Variants in ZBTB7C observed in about 807,000 individuals in gnomAD.
The protein encoded by ZBTB7C is zinc finger and BTB domain containing 7C.
Under a neutral mutation model 25.7 loss-of-function variants are expected in ZBTB7C, and 8 were observed. The observed-to-expected ratio is 0.31, with a 90% confidence interval of 0.18 to 0.56. The LOEUF is 0.56. Ranked by LOEUF, ZBTB7C falls within the 20% of genes least tolerant of loss-of-function variation. The probability of loss-of-function intolerance (pLI) is 0.91; values close to 1 mark genes in which losing one functional copy is unlikely to be tolerated. For missense variants in ZBTB7C, 824 were observed against 855.2 expected (o/e 0.96, Z 0.46); for synonymous variants, 394 against 369.0 (o/e 1.07, Z -0.78).
rs112995506 is a variant in ZBTB7C at position 48,096,161 on chromosome 18, C to A, written c.-16-55038G>T. Among the ~76,000 whole-genome samples the A allele has an allele frequency of 5.1e-4, 78 of 152,142 alleles. 2 individuals are homozygous for A. Among genetic ancestry groups the A allele is most frequent in the African/African-American group, 1.7e-3 (72 of 41,514 alleles). On this transcript the variant is annotated intron_variant, in intron 3 of 4. Coordinates refer to ENST00000590800, the MANE Select transcript of ZBTB7C (RefSeq NM_001318841.2). Reference sequence around the variant, plus strand: ...AGTAAACACAGTTATGTTATTTTAGCAGGAAAAGGAAAAAGGGAAAAGTGC... The same window carrying A: ...AGTAAACACAGTTATGTTATTTTAGAAGGAAAAGGAAAAAGGGAAAAGTGC...
intron 2 of ZBTB7C, among the ~76,000 whole-genome samples, chr18:48,268,284 G>T (rs1016285125): frequency 3.3e-5 from 5 of 152,156 alleles, no homozygotes; most frequent in Non-Finnish European, 7.3e-5. Context: ...AGAAAATTTT[G>T]CATGAGACAC....
intron 2 of ZBTB7C, among the ~76,000 whole-genome samples, chr18:48,199,862 A>G (rs2042397341): frequency 6.6e-6 from 1 of 152,218 alleles, no homozygotes; most frequent in Non-Finnish European, 1.5e-5. Context: ...CCAGGCTTGG[A>G]GACACTGCTT....
chr18:48,184,665 T>C (rs1261712804), intron 3 of ZBTB7C, among the ~76,000 whole-genome samples: 2 of 152,074 alleles, frequency 1.3e-5, no homozygotes, highest in Non-Finnish European at 2.9e-5. Context: ...GCACAGTACC[T>C]AGAGCTCCCT....
At chr18:48,083,386 T>A (rs141025573) in intron 3 of ZBTB7C, among the ~76,000 whole-genome samples, 29 of 152,242 alleles carry the variant, frequency 1.9e-4, no homozygotes, top group African/African-American at 6.5e-4. Context: ...CCCTCCACAG[T>A]ATTCCTTCAT....
At chr18:48,274,788 C>A (rs2044595919) in intron 2 of ZBTB7C, among the ~76,000 whole-genome samples, 1 of 152,226 alleles carries the variant, frequency 6.6e-6, no homozygotes, top group Non-Finnish European at 1.5e-5. Context: ...GAATCTTTGG[C>A]AAGAAGGCAA....
chr18:48,298,529 G>C (rs2045461606), intron 2 of ZBTB7C, among the ~76,000 whole-genome samples: 1 of 152,140 alleles, frequency 6.6e-6, no homozygotes, highest in Non-Finnish European at 1.5e-5. Flanking sequence ...ACTCTACCCA[G>C]CTGCTCTGTC....
rs560822638 is a variant in ZBTB7C, at chr18:48,071,241, T to C, written c.-16-30118A>G. On this transcript the variant is annotated intron_variant, in intron 3 of 4. Coordinates refer to ENST00000590800, the MANE Select transcript of ZBTB7C (RefSeq NM_001318841.2). The stretch of plus-strand genomic sequence containing the variant: ...CCAGGGGTCCTCTTTAGGAACATAA[T>C]GATGACATTAGAGTCTCTAAGAAAC... Among the ~76,000 whole-genome samples the C allele has an allele frequency of 7.2e-5, 11 of 152,322 alleles. No homozygotes were observed. In the South Asian group the frequency reaches 1.4e-3, roughly 20 times the overall value.
chr18:48,061,564 A>G (rs1167699679), intron 3 of ZBTB7C, among the ~76,000 whole-genome samples: 4 of 152,202 alleles, frequency 2.6e-5, no homozygotes, highest in Non-Finnish European at 5.9e-5. Flanking sequence ...TTTCACGCAC[A>G]TATATGTATG....
At chr18:48,245,434 T>C (rs1414061584) in intron 2 of ZBTB7C, among the ~76,000 whole-genome samples, 1 of 143,408 alleles carries the variant, frequency 7.0e-6, no homozygotes, top group African/African-American at 2.6e-5. Context: ...CTTATCCATG[T>C]AACCAAACAA....
At chr18:48,103,159 T>TCTATCTATCTAC (rs1346247589) in intron 3 of ZBTB7C, among the ~76,000 whole-genome samples, 1 of 143,446 alleles carries the variant, frequency 7.0e-6, no homozygotes, top group Non-Finnish European at 1.5e-5. Flanking sequence ...TATCTATCTA[T>TCTATCTATCTAC]CTGAAAAAAG....
At chr18:48,307,028 T>C (rs192273513) in intron 2 of ZBTB7C, among the ~76,000 whole-genome samples, 35 of 152,200 alleles carry the variant, frequency 2.3e-4, no homozygotes, top group African/African-American at 8.2e-4. Context: ...TCCACCCTCC[T>C]AAGGAATCTC....
At chr18:48,385,121 T>C (rs921994342) in intron 1 of ZBTB7C, among the ~76,000 whole-genome samples, 32 of 152,316 alleles carry the variant, frequency 2.1e-4, no homozygotes, top group African/African-American at 7.2e-4. Context: ...CACATCATGG[T>C]TGACATACCC....
At chr18:48,191,752 G>C (rs770613215) in intron 2 of ZBTB7C, among the ~76,000 whole-genome samples, 11 of 152,200 alleles carry the variant, frequency 7.2e-5, no homozygotes, top group Non-Finnish European at 1.3e-4. Context: ...GTCCAGCTGA[G>C]AGTCTGCAGT....
chr18:48,206,809 A>G (rs2042585951), intron 2 of ZBTB7C, among the ~76,000 whole-genome samples: 1 of 152,226 alleles, frequency 6.6e-6, no homozygotes, highest in Non-Finnish European at 1.5e-5. Flanking sequence ...TAGGCAAAGA[A>G]GTTCGTTAAA....
At chr18:48,227,046 A>C (rs2043120075) in intron 2 of ZBTB7C, among the ~76,000 whole-genome samples, 1 of 150,770 alleles carries the variant, frequency 6.6e-6, no homozygotes, top group South Asian at 2.1e-4. Context: ...AAAGAAAAAG[A>C]AAAAGAAAAA....
At chr18:48,117,032 T>C (rs1206457678) in intron 3 of ZBTB7C, among the ~76,000 whole-genome samples, 1 of 152,040 alleles carries the variant, frequency 6.6e-6, no homozygotes, top group African/African-American at 2.4e-5. Context: ...TTTTTACCTC[T>C]CCGGAGGTTC....
chr18:48,060,213 G>A (rs996949792), intron 3 of ZBTB7C, among the ~76,000 whole-genome samples: 12 of 152,118 alleles, frequency 7.9e-5, no homozygotes, highest in African/African-American at 2.4e-4. Flanking sequence ...GCTTTTCTGC[G>A]GAGTTTGTGC....
intron 2 of ZBTB7C, among the ~76,000 whole-genome samples, chr18:48,304,984 C>T (rs4940351): frequency 2.0e-5 from 3 of 151,852 alleles, no homozygotes; most frequent in East Asian, 1.9e-4. Context: ...TGAGGTGCCT[C>T]GAGCCTTTGT....
At chr18:48,128,420 GC>G (rs1203179461) in intron 3 of ZBTB7C, among the ~76,000 whole-genome samples, 1 of 152,204 alleles carries the variant, frequency 6.6e-6, no homozygotes, top group African/African-American at 2.4e-5. Context: ...ATGTCTGCTG[GC>G]CGGTTCACAA....
Sources: allele counts gnomAD v4.1 joint callset (sites outside exome capture counted in the v4.1 genomes callset), GRCh38; gene constraint gnomAD v4.1.1; transcripts MANE v1.5; gene names NCBI Gene and HGNC (gene_info 2026-07-23, HGNC 2026-07-21).